The following SLC30A8 variants were observed in gnomAD, a reference collection of about 807,000 sequenced individuals.
SLC30A8 encodes proton-coupled zinc antiporter SLC30A8.
In SLC30A8, 27 loss-of-function variants were observed where a neutral mutation model predicts 36.9. That is an observed-to-expected ratio of 0.73 (90% CI 0.54 to 1.01). The LOEUF (loss-of-function observed/expected upper bound fraction) is 1.01, where lower values mean the gene tolerates loss of function less well. Ranked by LOEUF, SLC30A8 falls within the 50% of genes least tolerant of loss-of-function variation. The pLI, the probability that SLC30A8 is intolerant of heterozygous loss-of-function variation, is 0.00. For missense variants in SLC30A8, 439 were observed against 452.0 expected (o/e 0.97, Z 0.26); for synonymous variants, 164 against 172.4 (o/e 0.95, Z 0.38).
At chr8:117,145,665 G>A (rs913608754) in intron 1 of SLC30A8, among the ~76,000 whole-genome samples, 8 of 152,028 alleles carry the variant, frequency 5.3e-5, no homozygotes, top group Non-Finnish European at 1.2e-4. Flanking sequence ...CAAGATCCAT[G>A]GATTTTGACA....
In SLC30A8 at chr8:117,172,644, A is replaced by C; in HGVS notation, c.1073A>C (p.Asp358Ala). The change falls in exon 8 of 8, where the codon GAC becomes GCC. Residue 358 changes from aspartate to alanine, a missense_variant. Asp to Ala is a moderately radical substitution (Grantham distance 126, BLOSUM62 -2). Coordinates refer to ENST00000456015, the MANE Select transcript of SLC30A8 (RefSeq NM_173851.3). ...CAGATGGAATCTCCAGTTGACCAGG[A>C]CCCCGACTGCCTTTTCTGTGAAGAC... ...TIQMESPVDQ[D>A]PDCLFCEDPC... 6.2e-7 allele frequency: 1 copy of C among 1,613,660 alleles called. No homozygotes were observed. Among genetic ancestry groups the C allele is most frequent in the Non-Finnish European group, 8.5e-7 (1 of 1,179,704 alleles).
chr8:117,005,221 G>T (rs1340781476), intron 1 of SLC30A8, among the ~76,000 whole-genome samples: 7 of 152,054 alleles, frequency 4.6e-5, no homozygotes, highest in Non-Finnish European at 1.0e-4. Context: ...ACCAATCTTT[G>T]CTGTGTCTGT....
chr8:117,129,152 T>C (rs954223922), intron 2 of SLC30A8, among the ~76,000 whole-genome samples: 3 of 152,026 alleles, frequency 2.0e-5, no homozygotes, highest in Admixed American at 1.3e-4. Flanking sequence ...CTAATGACTA[T>C]GTTGAATAAA....
intron 2 of SLC30A8, among the ~76,000 whole-genome samples, chr8:117,151,226 GCT>G (rs1822171065): frequency 6.6e-6 from 1 of 152,184 alleles, no homozygotes; most frequent in Non-Finnish European, 1.5e-5. Context: ...AGTGAGGGCA[GCT>G]CTCTGATCCC....
chr8:116,991,707 A>C (rs1815651104), intron 1 of SLC30A8, among the ~76,000 whole-genome samples: 1 of 152,184 alleles, frequency 6.6e-6, no homozygotes, highest in Non-Finnish European at 1.5e-5. Context: ...TTGCCATGAC[A>C]ATAGATAAGT....
intron 2 of SLC30A8, among the ~76,000 whole-genome samples, chr8:117,074,493 T>C (rs1441727929): frequency 1.3e-5 from 2 of 152,206 alleles, no homozygotes; most frequent in Non-Finnish European, 2.9e-5. Flanking sequence ...TGCTACATGC[T>C]ATACAGATGT....
chr8:117,124,022 G>A (rs1193507113), intron 2 of SLC30A8, among the ~76,000 whole-genome samples: 1 of 149,290 alleles, frequency 6.7e-6, no homozygotes, highest in Non-Finnish European at 1.5e-5. Context: ...CAACATGATA[G>A]GCTCTTGACA....
intron 2 of SLC30A8, among the ~76,000 whole-genome samples, chr8:117,077,205 G>A (rs1414582299): frequency 6.6e-6 from 1 of 152,176 alleles, no homozygotes; most frequent in South Asian, 2.1e-4. Context: ...CAATAAAGGT[G>A]ATGCCTCAGA....
At position 117,074,849 on chromosome 8, in the gene SLC30A8, T is replaced by C. The variant is rs937310260; in HGVS notation, c.-226+35591T>C. On this transcript the variant is annotated intron_variant, in intron 2 of 10. Transcript: ENST00000427715. ...GATCCGTTTATCTGCCTCTATAAAA[T>C]TGCTTGATTCTGTTTTTTTCTCTCC... Among the ~76,000 whole-genome samples the C allele has an allele frequency of 2.6e-5, 4 of 152,218 alleles. No homozygotes were observed. In the East Asian group the frequency reaches 7.7e-4, roughly 29 times the overall value.
At chr8:117,077,252 G>T (rs1312791438) in intron 2 of SLC30A8, among the ~76,000 whole-genome samples, 1 of 152,032 alleles carries the variant, frequency 6.6e-6, no homozygotes, top group Non-Finnish European at 1.5e-5. Context: ...CCAATGTCAG[G>T]GCTCTAGCTC....
chr8:116,964,866 A>G (rs1261678137), intron 1 of SLC30A8, among the ~76,000 whole-genome samples: 2 of 152,212 alleles, frequency 1.3e-5, no homozygotes, highest in Non-Finnish European at 2.9e-5. Context: ...TTAAGTATCT[A>G]CTATGTGTTA....
At chr8:117,006,726 A>G (rs1190106673) in intron 1 of SLC30A8, among the ~76,000 whole-genome samples, 1 of 151,182 alleles carries the variant, frequency 6.6e-6, no homozygotes, top group Admixed American at 6.6e-5. Flanking sequence ...ATGCTAAGTA[A>G]CATCACACGG....
chr8:116,976,688 C>A (rs1815023691), intron 1 of SLC30A8, among the ~76,000 whole-genome samples: 1 of 152,136 alleles, frequency 6.6e-6, no homozygotes, highest in African/African-American at 2.4e-5. Flanking sequence ...TCCCAGACAT[C>A]ACAATGTAGG....
intron 1 of SLC30A8, among the ~76,000 whole-genome samples, chr8:116,995,478 A>G (rs1403309772): frequency 1.3e-5 from 2 of 152,038 alleles, no homozygotes; most frequent in African/African-American, 4.8e-5. Flanking sequence ...ATGTTTATAA[A>G]AGCATGAAAA....
At chr8:116,986,512 A>G (rs1477081035) in intron 1 of SLC30A8, among the ~76,000 whole-genome samples, 2 of 152,222 alleles carry the variant, frequency 1.3e-5, no homozygotes, top group African/African-American at 4.8e-5. Context: ...TAAAATTCAA[A>G]TTAAAAGCCG....
At chr8:117,011,167 A>G (rs1006253266) in intron 1 of SLC30A8, among the ~76,000 whole-genome samples, 4 of 152,326 alleles carry the variant, frequency 2.6e-5, no homozygotes, top group Admixed American at 2.6e-4. Flanking sequence ...AGCAAGAAAG[A>G]GAAGGGCAGT....
upstream of SLC30A8, chr8:116,950,482 A>G (rs1223239823): frequency 6.6e-6 from 1 of 152,254 alleles, no homozygotes; most frequent in Admixed American, 6.5e-5. Context: ...ATTCTGTCAG[A>G]GAAGCCATTT....
At chr8:117,005,812 C>A (rs561212990) in intron 1 of SLC30A8, among the ~76,000 whole-genome samples, 1 of 152,308 alleles carries the variant, frequency 6.6e-6, no homozygotes, top group East Asian at 1.9e-4. Flanking sequence ...AGTTTTCCAA[C>A]CTAATTTCGT....
intron 6 of SLC30A8, among the ~76,000 whole-genome samples, chr8:117,166,674 G>T (rs1823069976): frequency 6.6e-6 from 1 of 152,018 alleles, no homozygotes; most frequent in Non-Finnish European, 1.5e-5. Context: ...CCACATGCTG[G>T]CCCTGGGAAT....
Sources: gnomAD v4.1 joint callset for allele counts (sites outside exome capture counted in the v4.1 genomes callset) on GRCh38, gnomAD v4.1.1 for gene constraint, MANE v1.5 for transcripts, NCBI Gene and HGNC (gene_info 2026-07-23, HGNC 2026-07-21) for gene names.